ABCA9: variants seen among roughly 807,000 people sequenced by gnomAD.
The protein encoded by ABCA9 is ATP-binding cassette sub-family A member 9.
A neutral mutation model predicts 205.3 loss-of-function variants in ABCA9; 183 were observed. That is an observed-to-expected ratio of 0.89 (90% CI 0.79 to 1.01). ABCA9 has a LOEUF of 1.01. ABCA9 is among the 50% of genes least tolerant of loss of function. The pLI, the probability that ABCA9 is intolerant of heterozygous loss-of-function variation, is 0.00. For synonymous variants in ABCA9, 651 were observed against 683.3 expected (o/e 0.95, Z 0.74); for missense variants, 1,805 against 1,912.4 (o/e 0.94, Z 1.05).
chr17:69,040,017 C>A (rs557686911), intron 6 of ABCA9, among the ~76,000 whole-genome samples: 1 of 152,178 alleles, frequency 6.6e-6, no homozygotes, highest in Non-Finnish European at 1.5e-5. Context: ...TACCATCTCA[C>A]ACCAGTTAGA....
chr17:69,020,313 T>G, intron 19 of ABCA9, 75 bp downstream of exon 19: 3 of 1,360,916 alleles, frequency 2.2e-6, no homozygotes, highest in Non-Finnish European at 3.0e-6. Flanking sequence ...TTATCTGAGT[T>G]TCTTTTATGT....
At position 68,989,924 on chromosome 17, in the gene ABCA9, C is replaced by G. The variant is rs538767105; in HGVS notation, c.3844G>C (p.Val1282Leu). 4 of 1,607,278 alleles carry G rather than the reference C, an allele frequency of 2.5e-6. No individual in the cohort carries two copies. The East Asian group carries it at 8.9e-5, about 36-fold the overall frequency. Residue 1282 changes from valine (V) to leucine (L), a missense_variant, in exon 30 of 39, where the codon GTC becomes CTC. By Grantham distance (32) the Val-to-Leu change is conservative. Transcript: ENST00000340001. Reference sequence around the variant, plus strand: ...TTCCGTAGACAGCTGGCAATGATGACGGGTGTCTGTAAAGACAAGTAAATA... The same window carrying G: ...TTCCGTAGACAGCTGGCAATGATGAGGGGTGTCTGTAAAGACAAGTAAATA... ...MAVRDFDETP[V>L]IIASCLRKEY...
chr17:69,042,516 T>G (rs1268444554), intron 6 of ABCA9: 3 of 152,204 alleles, frequency 2.0e-5, no homozygotes, highest in Admixed American at 2.0e-4. Context: ...CTCAGTGTCA[T>G]AAAAGTGATG....
chr17:69,078,874 T>C, the ABCA9 span: 5 of 666,932 alleles, frequency 7.5e-6, no homozygotes, highest in African/African-American at 3.7e-5. Context: ...ATATACCTGA[T>C]GTTAATTTTA....
intron 6 of ABCA9, among the ~76,000 whole-genome samples, chr17:69,040,932 G>A (rs1165879008): frequency 6.7e-6 from 1 of 150,176 alleles, no homozygotes; most frequent in Non-Finnish European, 1.5e-5. Flanking sequence ...AGGAGAAAGA[G>A]AAAAAGCTTT....
In ABCA9 at chr17:68,995,974, T is replaced by C. The variant is rs533072475; in HGVS notation, c.3476A>G (p.Tyr1159Cys). 97 of 1,613,754 alleles carry C rather than the reference T, an allele frequency of 6.0e-5. No homozygotes were observed. Among genetic ancestry groups the C allele is most frequent in the South Asian group, 9.9e-5 (9 of 91,074 alleles). Residue 1159 changes from tyrosine (Y) to cysteine (C), a missense_variant, in exon 26 of 39, where the codon TAT becomes TGT. Tyr to Cys is a radical substitution (Grantham distance 194). Transcript: ENST00000340001. ...FSIVATDLNEYGFLGLFFGTM... is the reference protein window; with the variant it reads ...FSIVATDLNECGFLGLFFGTM... ...GCCAAAAAATAGCCCTAGAAATCCA[T>C]ATTCATTTAGATCAGTAGCAACTAT...
Position 69,018,518 on chromosome 17 carries a change from A to G in ABCA9, c.2662T>C (p.Tyr888His). Reference sequence around the variant, plus strand: ...AGTTCCCACGGGTAACTTTTCTGATATGACTCGTAGAATAGATGTTCCAAA... The same window carrying G: ...AGTTCCCACGGGTAACTTTTCTGATGTGACTCGTAGAATAGATGTTCCAAA... ...QLLEHLFYES[Y>H]QKSYPWELSP... Residue 888 changes from tyrosine to histidine, a missense_variant, in exon 20 of 39, where the codon TAT (tyrosine) becomes CAT (histidine). Transcript: ENST00000340001. The G allele has an allele frequency of 6.2e-7, 1 of 1,609,452 alleles. No homozygotes were observed. The highest frequency in any genetic ancestry group is 8.5e-7 in the Non-Finnish European group (1 of 1,177,820).
At chr17:69,071,647 T>C in the ABCA9 span, among the ~76,000 whole-genome samples, 123,786 of 152,132 alleles carry the variant, frequency 0.81, 52,668 homozygotes, top group Non-Finnish European at 0.94. Context: ...AAAACCAGTG[T>C]AAAAAGGCTG....
At chr17:69,010,250 G>A (rs1161050684) in intron 23 of ABCA9, among the ~76,000 whole-genome samples, 1 of 151,690 alleles carries the variant, frequency 6.6e-6, no homozygotes, top group Non-Finnish European at 1.5e-5. Flanking sequence ...TCATATAATA[G>A]TTATGGGAAA....
chr17:69,046,481 C>A (rs190277878), intron 3 of ABCA9, among the ~76,000 whole-genome samples: 52 of 152,284 alleles, frequency 3.4e-4, no homozygotes, highest in African/African-American at 1.2e-3. Context: ...GATATTCCAG[C>A]TGTTGACCCT....
chr17:69,049,346 C>T lies in ABCA9; in HGVS notation c.241G>A (p.Ala81Thr). The change falls in exon 3 of 39, where the codon GCA (alanine) becomes ACA (threonine). Residue 81 changes from alanine (A) to threonine (T), a missense_variant. Coordinates refer to ENST00000340001, the MANE Select transcript of ABCA9 (RefSeq NM_080283.4). Reference sequence around the variant, plus strand: ...TCTTGGGTAGTTTTGGATTCAGGTGCAAATGCAATAACATAATTAGTATCA... The same window carrying T: ...TCTTGGGTAGTTTTGGATTCAGGTGTAAATGCAATAACATAATTAGTATCA... Reference protein sequence around the residue: ...FNDTNYVIAFAPESKTTQEIM... With the variant: ...FNDTNYVIAFTPESKTTQEIM... 6.2e-7 allele frequency: 1 copy of T among 1,613,228 alleles called. No individual in the cohort carries two copies. The highest frequency in any genetic ancestry group is 8.5e-7 in the Non-Finnish European group (1 of 1,179,550).
At chr17:69,005,000 C>G (rs2070070786) in intron 25 of ABCA9, among the ~76,000 whole-genome samples, 1 of 152,206 alleles carries the variant, frequency 6.6e-6, no homozygotes, top group East Asian at 1.9e-4. Flanking sequence ...TGCGCGCACC[C>G]ACTGACCTGC....
chr17:68,986,870 C>A (rs1483378817), intron 31 of ABCA9: 2 of 152,090 alleles, frequency 1.3e-5, no homozygotes. Context: ...AGAACAGCTC[C>A]CCACAGCAAA....
the ABCA9 span, among the ~76,000 whole-genome samples, chr17:69,076,986 T>C: frequency 6.6e-6 from 1 of 152,096 alleles, no homozygotes; most frequent in Non-Finnish European, 1.5e-5. Context: ...TTATTCTTCA[T>C]GTGGATTTTT....
chr17:69,057,776 C>T (rs752482806), intron 1 of ABCA9, among the ~76,000 whole-genome samples: 6 of 151,974 alleles, frequency 3.9e-5, no homozygotes, highest in African/African-American at 9.7e-5. Flanking sequence ...GACCAACTGG[C>T]GGTAGATAAT....
chr17:68,978,153 G>C (rs367824189), intron 37 of ABCA9, among the ~76,000 whole-genome samples: 1 of 152,198 alleles, frequency 6.6e-6, no homozygotes, highest in Non-Finnish European at 1.5e-5. Context: ...GGGTGCTCCT[G>C]TATTGGGTGC....
At chr17:69,008,298 A>G in intron 23 of ABCA9, 63 bp from the exon 24 acceptor site, 1 of 1,449,314 alleles carries the variant, frequency 6.9e-7, no homozygotes, top group Non-Finnish European at 9.6e-7. Flanking sequence ...GAAATTGCAA[A>G]TATACAGTCA....
At chr17:68,980,612 T>TG (rs1305657452) in intron 37 of ABCA9, among the ~76,000 whole-genome samples, 8 of 151,910 alleles carry the variant, frequency 5.3e-5, no homozygotes, top group Non-Finnish European at 1.2e-4. Context: ...GCCATAAAAA[T>TG]GATGAGTTCA....
At chr17:69,010,079 A>C (rs1338157532) in intron 23 of ABCA9, among the ~76,000 whole-genome samples, 1 of 151,908 alleles carries the variant, frequency 6.6e-6, no homozygotes, top group African/African-American at 2.4e-5. Flanking sequence ...GTGATCCATT[A>C]TTTATAGAGA....
Sources: allele counts gnomAD v4.1 joint callset (sites outside exome capture counted in the v4.1 genomes callset), GRCh38; gene constraint gnomAD v4.1.1; transcripts MANE v1.5; gene names NCBI Gene and HGNC (gene_info 2026-07-23, HGNC 2026-07-21).